The following ZNF804B variants were observed in gnomAD, a reference collection of about 807,000 sequenced individuals.
The protein encoded by ZNF804B is zinc finger protein 804B.
Under a neutral mutation model 101.4 loss-of-function variants are expected in ZNF804B, and 80 were observed. The ratio of observed to expected loss-of-function variants is 0.79; its 90% CI spans 0.66 to 0.95. The LOEUF is 0.95. Ranked by LOEUF, ZNF804B falls within the 40% of genes least tolerant of loss-of-function variation. The pLI, the probability that ZNF804B is intolerant of heterozygous loss-of-function variation, is 0.00. For synonymous variants in ZNF804B, 622 were observed against 558.8 expected (o/e 1.11, Z -1.59); for missense variants, 1,673 against 1,561.9 (o/e 1.07, Z -1.20).
intron 2 of ZNF804B, among the ~76,000 whole-genome samples, chr7:89,292,072 A>G (rs1367067003): frequency 6.6e-6 from 1 of 152,156 alleles, no homozygotes; most frequent in African/African-American, 2.4e-5. Context: ...TGAAAGAGAA[A>G]TAAGGACTTT....
At chr7:88,787,639 T>C (rs931893353) in intron 1 of ZNF804B, among the ~76,000 whole-genome samples, 3 of 152,178 alleles carry the variant, frequency 2.0e-5, no homozygotes, top group African/African-American at 7.2e-5. Context: ...GTTTTATGGG[T>C]TAACACCAAT....
intron 1 of ZNF804B, among the ~76,000 whole-genome samples, chr7:89,055,206 A>C (rs542516318): frequency 6.6e-6 from 1 of 152,178 alleles, no homozygotes; most frequent in East Asian, 1.9e-4. Flanking sequence ...AATCCTTCTG[A>C]GGAAAGGCTG....
intron 2 of ZNF804B, among the ~76,000 whole-genome samples, chr7:89,294,323 A>G (rs1006319779): frequency 4.6e-5 from 7 of 152,226 alleles, no homozygotes; most frequent in Non-Finnish European, 7.3e-5. Flanking sequence ...GTAAATGCTA[A>G]TTTAGCCAAG....
intron 1 of ZNF804B, among the ~76,000 whole-genome samples, chr7:88,881,990 A>G (rs2115909277): frequency 6.6e-6 from 1 of 152,318 alleles, no homozygotes; most frequent in East Asian, 1.9e-4. Context: ...TATAGCTAAT[A>G]TAGACACTAT....
intron 1 of ZNF804B, among the ~76,000 whole-genome samples, chr7:88,876,584 T>A (rs1791942751): frequency 6.6e-6 from 1 of 152,168 alleles, no homozygotes; most frequent in African/African-American, 2.4e-5. Flanking sequence ...CCACTAGGTC[T>A]ATTTTAATCC....
At chr7:89,016,507 T>C (rs1418575453) in intron 1 of ZNF804B, among the ~76,000 whole-genome samples, 3 of 151,412 alleles carry the variant, frequency 2.0e-5, no homozygotes, top group Non-Finnish European at 4.4e-5. Flanking sequence ...CTTGAATTAA[T>C]TTTTATATAA....
chr7:89,274,619 G>T (rs138253534), intron 2 of ZNF804B, among the ~76,000 whole-genome samples: 1 of 151,692 alleles, frequency 6.6e-6, no homozygotes, highest in East Asian at 1.9e-4. Context: ...ATCCTTAGAA[G>T]ACATGTTCCC....
intron 1 of ZNF804B, among the ~76,000 whole-genome samples, chr7:89,176,465 T>A (rs1791319346): frequency 6.6e-6 from 1 of 151,990 alleles, no homozygotes; most frequent in Admixed American, 6.5e-5. Flanking sequence ...TGATGAATGA[T>A]CTTTTTAATG....
At chr7:88,902,499 T>A (rs1792407495) in intron 1 of ZNF804B, among the ~76,000 whole-genome samples, 1 of 151,994 alleles carries the variant, frequency 6.6e-6, no homozygotes, top group African/African-American at 2.4e-5. Flanking sequence ...TTGGAGTAAG[T>A]GAGCATCAGT....
intron 1 of ZNF804B, among the ~76,000 whole-genome samples, chr7:89,208,470 A>G (rs1357575105): frequency 1.3e-5 from 2 of 152,226 alleles, no homozygotes; most frequent in Non-Finnish European, 2.9e-5. Flanking sequence ...GATCATTAAG[A>G]AATCTGGAAA....
At chr7:89,165,126 G>A (rs775114805) in intron 1 of ZNF804B, among the ~76,000 whole-genome samples, 2 of 152,060 alleles carry the variant, frequency 1.3e-5, no homozygotes, top group Non-Finnish European at 2.9e-5. Context: ...GTTCCAAACT[G>A]ATTATTCTGC....
At chr7:88,941,087 G>A (rs1402919770) in intron 1 of ZNF804B, among the ~76,000 whole-genome samples, 1 of 151,858 alleles carries the variant, frequency 6.6e-6, no homozygotes, top group Non-Finnish European at 1.5e-5. Context: ...TATTATTATA[G>A]CAAAAATGTA....
intron 1 of ZNF804B, among the ~76,000 whole-genome samples, chr7:88,944,959 GT>G (rs1157189282): frequency 7.2e-5 from 11 of 151,822 alleles, no homozygotes; most frequent in Non-Finnish European, 1.5e-4. Context: ...TTGTAAATTT[GT>G]TTAAGTTCCT....
chr7:88,787,319 G>A (rs945920287), intron 1 of ZNF804B, among the ~76,000 whole-genome samples: 3 of 152,066 alleles, frequency 2.0e-5, no homozygotes, highest in African/African-American at 7.2e-5. Context: ...TTGATCAGGG[G>A]AATAATATTT....
At chr7:88,776,566 T>A (rs539424162) in intron 1 of ZNF804B, among the ~76,000 whole-genome samples, 1 of 142,324 alleles carries the variant, frequency 7.0e-6, no homozygotes, top group Non-Finnish European at 1.5e-5. Flanking sequence ...TTTTGTTTTT[T>A]TTTTTTTTTT....
intron 2 of ZNF804B, among the ~76,000 whole-genome samples, chr7:89,273,603 C>T (rs1336770084): frequency 6.6e-6 from 1 of 152,040 alleles, no homozygotes; most frequent in Non-Finnish European, 1.5e-5. Context: ...ATTGAAGAAA[C>T]AAATGGGACC....
chr7:88,937,326 C>T (rs1320853824), intron 1 of ZNF804B, among the ~76,000 whole-genome samples: 1 of 152,056 alleles, frequency 6.6e-6, no homozygotes, highest in Non-Finnish European at 1.5e-5. Flanking sequence ...AGAAATACTT[C>T]ATCTCAAACA....
intron 1 of ZNF804B, among the ~76,000 whole-genome samples, chr7:89,067,038 C>T (rs895658541): frequency 1.3e-4 from 19 of 151,744 alleles, no homozygotes; most frequent in Non-Finnish European, 2.1e-4. Context: ...ATTGTATAAG[C>T]TTCACATCTC....
chr7:89,022,164 G>C (rs1006340441), intron 1 of ZNF804B, among the ~76,000 whole-genome samples: 1 of 152,014 alleles, frequency 6.6e-6, no homozygotes, highest in Non-Finnish European at 1.5e-5. Flanking sequence ...TGCCCTCCTG[G>C]ACTTCGGAGC....
Sources: gnomAD v4.1 joint callset for allele counts (sites outside exome capture counted in the v4.1 genomes callset) on GRCh38, gnomAD v4.1.1 for gene constraint, MANE v1.5 for transcripts, NCBI Gene and HGNC (gene_info 2026-07-23, HGNC 2026-07-21) for gene names.